Variants in GAS7 observed in about 807,000 individuals in gnomAD.
The protein encoded by GAS7 is growth arrest specific 7.
A neutral mutation model predicts 71.1 loss-of-function variants in GAS7; 28 were observed. The ratio of observed to expected loss-of-function variants is 0.39; its 90% CI spans 0.29 to 0.54. The LOEUF is 0.54. Among genes scored for constraint, GAS7 ranks in the 20% least tolerant of loss-of-function variants. GAS7 has a pLI of 0.62. For synonymous variants in GAS7, 258 were observed against 245.8 expected (o/e 1.05, Z -0.46); for missense variants, 436 against 627.8 (o/e 0.69, Z 3.27).
intron 1 of GAS7, among the ~76,000 whole-genome samples, chr17:10,143,528 G>C (rs943241019): frequency 8.3e-6 from 1 of 120,248 alleles, no homozygotes; most frequent in Non-Finnish European, 1.7e-5. Context: ...GGCAACGAGA[G>C]AAAAATTCCG....
chr17:9,990,577 C>A (rs1163336019), intron 2 of GAS7, among the ~76,000 whole-genome samples: 1 of 152,164 alleles, frequency 6.6e-6, no homozygotes, highest in Non-Finnish European at 1.5e-5. Context: ...AGGGAAGGAG[C>A]AAGCCACACA....
chr17:9,948,975 G>A (rs1450729424), intron 5 of GAS7, among the ~76,000 whole-genome samples: 1 of 152,198 alleles, frequency 6.6e-6, no homozygotes, highest in Non-Finnish European at 1.5e-5. Flanking sequence ...AAAAAATGAT[G>A]CAGCCCTGAG....
rs536609487 is a variant in GAS7 at position 10,155,182 on chromosome 17, T to A, written c.183+43026A>T. Among the ~76,000 whole-genome samples, 3 of 152,018 alleles carry A rather than the reference T, an allele frequency of 2.0e-5. No homozygotes were observed. In the East Asian group the frequency reaches 5.8e-4, roughly 29 times the overall value. Reference sequence around the variant, plus strand: ...GGTGCGTACCAACACACCCAGCTAATTTTTTGTATTTTAAGTAGAGATGGG... The same window carrying A: ...GGTGCGTACCAACACACCCAGCTAAATTTTTGTATTTTAAGTAGAGATGGG... On this transcript the variant is annotated intron_variant, in intron 1 of 13. Coordinates refer to ENST00000432992, the MANE Select transcript of GAS7 (RefSeq NM_201433.2).
rs1201581058 is a variant in GAS7, at chr17:9,934,311, C to T, written c.807-67G>A. 4 of 1,099,692 alleles carry T rather than the reference C, an allele frequency of 3.6e-6. No individual in the cohort carries two copies. The African/African-American group carries it at 4.6e-5, about 13-fold the overall frequency. 68.1% of individuals were successfully genotyped at this position (1,099,692 alleles called of 1,614,324 possible). ...CCCTTCCTGAGGCAGGATGGTGGGG[C>T]TCCACCCCAGGTCTCGGGGAGGTAT... On this transcript the variant is annotated intron_variant, in intron 8 of 13. Transcript: ENST00000432992.
intron 1 of GAS7, among the ~76,000 whole-genome samples, chr17:10,147,286 T>C (rs2074129085): frequency 1.3e-5 from 2 of 152,172 alleles, no homozygotes; most frequent in African/African-American, 2.4e-5. Flanking sequence ...CAAATAGGTG[T>C]TTTCATACTT....
chr17:10,103,260 C>T lies in GAS7; in HGVS notation c.184-83363G>A, dbSNP rs1053581581. On this transcript the variant is annotated intron_variant, in intron 1 of 13. Transcript: ENST00000432992. This position sits in a 1 kb window ranked among gnomAD's most constrained non-coding sequence, Gnocchi z 5.5. ...TCAGGAGGCTAAGGTGGGAGAATCA[C>T]CTGAGCCTGGGGAGTAGAGGCTGCA... is the stretch of plus-strand genomic sequence containing the variant. Among the ~76,000 whole-genome samples the T allele has an allele frequency of 6.6e-4, 101 of 152,104 alleles. No homozygotes were observed. The highest frequency in any genetic ancestry group is 3.4e-3 in the Middle Eastern group (1 of 294).
intron 1 of GAS7, among the ~76,000 whole-genome samples, chr17:10,054,081 G>A (rs772333006): frequency 6.6e-6 from 1 of 152,098 alleles, no homozygotes; most frequent in African/African-American, 2.4e-5. Flanking sequence ...AAGACGGTCT[G>A]TTCTAAATCG....
chr17:9,950,163 C>T (rs935653238), intron 5 of GAS7, among the ~76,000 whole-genome samples: 3 of 151,994 alleles, frequency 2.0e-5, no homozygotes, highest in African/African-American at 7.2e-5. Flanking sequence ...TGTGCTGGGC[C>T]TCTTTCTCCT....
chr17:10,143,542 C>CAA (rs35511428), intron 1 of GAS7, among the ~76,000 whole-genome samples: 1 of 135,804 alleles, frequency 7.4e-6, no homozygotes, highest in Non-Finnish European at 1.6e-5. Flanking sequence ...AATTCCGTCT[C>CAA]AAAAAAAAAA....
At chr17:10,001,459 G>A (rs1277771408) in intron 2 of GAS7, among the ~76,000 whole-genome samples, 1 of 152,150 alleles carries the variant, frequency 6.6e-6, no homozygotes, top group Non-Finnish European at 1.5e-5. Context: ...ATGAGGTGTC[G>A]TCTCACTGCC....
chr17:10,079,311 T>C (rs2073431078), intron 1 of GAS7, among the ~76,000 whole-genome samples: 1 of 152,206 alleles, frequency 6.6e-6, no homozygotes, highest in African/African-American at 2.4e-5. Flanking sequence ...TCCTTCCAAC[T>C]ATCTGAATGG....
chr17:10,010,790 T>TAA (rs953758882), intron 2 of GAS7, among the ~76,000 whole-genome samples: 1 of 152,228 alleles, frequency 6.6e-6, no homozygotes, highest in African/African-American at 2.4e-5. Flanking sequence ...AATACTGAAC[T>TAA]AAAGTACAGT....
intron 1 of GAS7, among the ~76,000 whole-genome samples, chr17:10,135,483 C>T (rs921470837): frequency 6.6e-6 from 1 of 152,202 alleles, no homozygotes; most frequent in African/African-American, 2.4e-5. Flanking sequence ...GGGACTGAGC[C>T]CGCCCGAGAG....
chr17:9,974,820 G>A lies in GAS7; in HGVS notation c.386-5058C>T, dbSNP rs535806725. ...GAGAAAGGCCAAGCAACAAAGAAGC[G>A]CCAGCAGCTCCGCCACCCAGGGCTC... On this transcript the variant is annotated intron_variant, in intron 3 of 13. Transcript: ENST00000432992. This position sits in a 1 kb window ranked among gnomAD's most constrained non-coding sequence, Gnocchi z 4.0. Among the ~76,000 whole-genome samples, 84 of 152,060 alleles carry A rather than the reference G, an allele frequency of 5.5e-4. No homozygotes were observed. The highest frequency in any genetic ancestry group is 9.2e-4 in the Admixed American group (14 of 15,250).
chr17:9,977,688 G>A (rs1238620479), intron 3 of GAS7, among the ~76,000 whole-genome samples: 1 of 149,818 alleles, frequency 6.7e-6, no homozygotes, highest in Admixed American at 6.7e-5. Context: ...CCCCAGCCCA[G>A]GTCTGATCCT....
chr17:10,171,781 T>C (rs1049653650), intron 1 of GAS7, among the ~76,000 whole-genome samples: 1 of 152,086 alleles, frequency 6.6e-6, no homozygotes, highest in Non-Finnish European at 1.5e-5. Flanking sequence ...TCTCTGAGCC[T>C]TTATCTGAGA....
chr17:10,133,878 C>T (rs2074018299), intron 1 of GAS7, among the ~76,000 whole-genome samples: 1 of 152,064 alleles, frequency 6.6e-6, no homozygotes, highest in Non-Finnish European at 1.5e-5. Flanking sequence ...ATAGGATTTT[C>T]TCTTTTTTTA....
chr17:9,988,899 A>C (rs964338850), intron 2 of GAS7, among the ~76,000 whole-genome samples: 1 of 141,412 alleles, frequency 7.1e-6, no homozygotes, highest in African/African-American at 2.7e-5. Context: ...CCCAGACCGG[A>C]GTACAGTGGC....
intron 2 of GAS7, among the ~76,000 whole-genome samples, chr17:9,983,702 G>C (rs972373449): frequency 2.0e-5 from 3 of 151,282 alleles, no homozygotes; most frequent in Non-Finnish European, 4.4e-5. Context: ...CACGAGAATC[G>C]CTTGGTCCTG....
Sources: allele counts gnomAD v4.1 joint callset (sites outside exome capture counted in the v4.1 genomes callset), GRCh38; gene constraint gnomAD v4.1.1; non-coding constraint Gnocchi (gnomAD v3.1); transcripts MANE v1.5; gene names NCBI Gene and HGNC (gene_info 2026-07-23, HGNC 2026-07-21).